TDRD5: variants seen among roughly 807,000 people sequenced by gnomAD.
TDRD5 encodes the protein tudor domain-containing protein 5.
A neutral mutation model predicts 120.6 loss-of-function variants in TDRD5; 41 were observed. The observed-to-expected ratio is 0.34, with a 90% CI of 0.26 to 0.44. The LOEUF is 0.44. TDRD5 is among the 20% of genes least tolerant of loss of function. The pLI is 1.00. For synonymous variants in TDRD5, 430 were observed against 433.7 expected (o/e 0.99, Z 0.11); for missense variants, 1,006 against 1,221.2 (o/e 0.82, Z 2.63).
rs1052728489 is a variant in TDRD5, at chr1:179,677,261, C to T, written c.2860+7857C>T. Among the ~76,000 whole-genome samples, 7 of 152,030 alleles carry T rather than the reference C, an allele frequency of 4.6e-5. No homozygotes were observed. The East Asian group carries it at 1.2e-3, about 25-fold the overall frequency. ...AGAATTTTTCTTTCATATCCTGTAT[C>T]ATGTTTTTGATTTCTTTAAGCTGGA... On this transcript the variant is annotated intron_variant, in intron 17 of 17. Transcript: ENST00000444136.
intron 17 of TDRD5, among the ~76,000 whole-genome samples, chr1:179,685,036 C>T (rs1680625914): frequency 6.6e-6 from 1 of 152,184 alleles, no homozygotes. Flanking sequence ...TGTGCAGAAG[C>T]TCTTTAGTTT....
At chr1:179,606,740 C>G (rs567351377) in intron 4 of TDRD5, among the ~76,000 whole-genome samples, 14 of 151,444 alleles carry the variant, frequency 9.2e-5, no homozygotes, top group African/African-American at 3.1e-4. Context: ...GCTCCTTTAT[C>G]AAAGATCAGT....
chr1:179,620,947 C>T (rs1486248109), intron 5 of TDRD5, 88 bp from the exon 6 acceptor site: 6 of 1,058,210 alleles, frequency 5.7e-6, no homozygotes, highest in Non-Finnish European at 6.7e-6. Flanking sequence ...TTACTTTTGC[C>T]TTTGTTGTTA....
In TDRD5 at chr1:179,639,882, C is replaced by G. The variant is rs993030254; in HGVS notation, c.1564C>G (p.Pro522Ala). The G allele has an allele frequency of 1.2e-6, 2 of 1,614,056 alleles. No homozygotes were observed. The highest frequency in any genetic ancestry group is 2.7e-5 in the African/African-American group (2 of 75,006). ...GCTGGTTTCTGATCGATATGTCATG[C>G]CAGAATGTTTTATTCAGCCGGGACA... ...NQLVSDRYVMPECFIQPGHLC... is the reference protein window; with the variant it reads ...NQLVSDRYVMAECFIQPGHLC... Residue 522 changes from proline (P) to alanine (A), a missense_variant, in exon 10 of 18, where the codon CCA becomes GCA. Coordinates refer to ENST00000444136, the MANE Select transcript of TDRD5 (RefSeq NM_001199085.3).
intron 14 of TDRD5, among the ~76,000 whole-genome samples, chr1:179,655,494 A>G (rs1231885722): frequency 2.6e-5 from 4 of 151,988 alleles, no homozygotes; most frequent in Admixed American, 1.3e-4. Flanking sequence ...TTGGTGTACT[A>G]TTCTATCAAC....
chr1:179,620,605 G>A (rs1035969650), intron 5 of TDRD5, among the ~76,000 whole-genome samples: 1 of 152,082 alleles, frequency 6.6e-6, no homozygotes, highest in Non-Finnish European at 1.5e-5. Flanking sequence ...TGTACGTATG[G>A]ACAATAATGC....
Position 179,654,354 on chromosome 1 carries a change from GA to G in TDRD5, c.2318del (p.Asn773MetfsTer15). ...SNPEPNDLKEENEDEIPTGMP... is the reference protein window; with the variant it reads ...SNPEPNDLKEXNEDEIPTGMP... ...CCCAGAACCAAACGATCTGAAGGAA[GA>G]AAATGAGGTAGGAGAAGGAAAGATA... is the stretch of plus-strand genomic sequence containing the variant. On this transcript the variant is annotated frameshift_variant, in exon 14 of 18. Coordinates refer to ENST00000444136, the MANE Select transcript of TDRD5 (RefSeq NM_001199085.3). LOFTEE classifies it high-confidence loss of function. 6.5e-7 allele frequency: 1 copy of G among 1,526,718 alleles called. No homozygotes were observed. Among genetic ancestry groups the G allele is most frequent in the Non-Finnish European group, 8.8e-7 (1 of 1,135,682 alleles). The allele number at this position is 1,526,718 out of a possible 1,614,324, so 94.6% of individuals were successfully genotyped here.
At chr1:179,635,968 T>C in intron 9 of TDRD5, 81 bp downstream of exon 9, 1 of 1,310,386 alleles carries the variant, frequency 7.6e-7, no homozygotes, top group Non-Finnish European at 1.0e-6. Flanking sequence ...TCAGGACTCT[T>C]AAAAATTAAA....
At chr1:179,622,187 C>T (rs1461307778) in intron 6 of TDRD5, among the ~76,000 whole-genome samples, 1 of 152,200 alleles carries the variant, frequency 6.6e-6, no homozygotes, top group African/African-American at 2.4e-5. Context: ...ACTGCACATG[C>T]TTGGGGCAGA....
intron 4 of TDRD5, among the ~76,000 whole-genome samples, chr1:179,600,727 C>A (rs528143307): frequency 6.6e-6 from 1 of 152,116 alleles, no homozygotes; most frequent in African/African-American, 2.4e-5. Context: ...ATTGATTTTG[C>A]TCCCTTTTTA....
intron 17 of TDRD5, among the ~76,000 whole-genome samples, chr1:179,678,682 A>G (rs1187310984): frequency 6.6e-6 from 1 of 152,268 alleles, no homozygotes; most frequent in Non-Finnish European, 1.5e-5. Flanking sequence ...ACTGTTGAAT[A>G]AATGGCATTT....
intron 4 of TDRD5, among the ~76,000 whole-genome samples, chr1:179,617,397 T>A (rs901780974): frequency 6.6e-6 from 1 of 152,152 alleles, no homozygotes; most frequent in Non-Finnish European, 1.5e-5. Flanking sequence ...TCGTGCCTCA[T>A]CACATTTAGT....
At chr1:179,603,218 A>G (rs144774533) in intron 4 of TDRD5, among the ~76,000 whole-genome samples, 1 of 152,138 alleles carries the variant, frequency 6.6e-6, no homozygotes, top group East Asian at 1.9e-4. Context: ...ATTTGTGTAC[A>G]TTAATCTTGT....
At chr1:179,650,184 T>C (rs1306464647) in intron 11 of TDRD5, among the ~76,000 whole-genome samples, 1 of 152,036 alleles carries the variant, frequency 6.6e-6, no homozygotes, top group Non-Finnish European at 1.5e-5. Flanking sequence ...GTGGATCACC[T>C]GAAGTCAGGA....
intron 4 of TDRD5, among the ~76,000 whole-genome samples, chr1:179,614,944 T>C (rs184337108): frequency 9.1e-4 from 139 of 152,242 alleles, no homozygotes; most frequent in Non-Finnish European, 1.4e-3. Flanking sequence ...TATTGTTAAG[T>C]GTAGTCAACA....
intron 17 of TDRD5, among the ~76,000 whole-genome samples, chr1:179,684,886 G>C (rs1680617465): frequency 1.3e-5 from 2 of 152,156 alleles, no homozygotes; most frequent in Admixed American, 1.3e-4. Context: ...CCCACTTTTT[G>C]ATGGGGTTGA....
At chr1:179,664,172 G>T (rs1029205295) in intron 16 of TDRD5, among the ~76,000 whole-genome samples, 1 of 152,052 alleles carries the variant, frequency 6.6e-6, no homozygotes, top group Non-Finnish European at 1.5e-5. Flanking sequence ...ACTTTTGTAT[G>T]AGAATGATAA....
chr1:179,592,921 C>T (rs1675194798), intron 2 of TDRD5, 74 bp downstream of exon 2: 3 of 1,432,860 alleles, frequency 2.1e-6, no homozygotes, highest in Non-Finnish European at 2.9e-6. Context: ...TATTCTAGTT[C>T]TGCAGTTATT....
chr1:179,662,011 C>T, intron 14 of TDRD5, 93 bp from the exon 15 acceptor site: 1 of 1,192,572 alleles, frequency 8.4e-7, no homozygotes, highest in Non-Finnish European at 1.1e-6. Context: ...TCATCTTTAC[C>T]TGGAGTCAGG....
Sources: allele counts gnomAD v4.1 joint callset (sites outside exome capture counted in the v4.1 genomes callset), GRCh38; gene constraint gnomAD v4.1.1; transcripts MANE v1.5; gene names NCBI Gene and HGNC (gene_info 2026-07-23, HGNC 2026-07-21).